Variants in CPED1 observed in about 807,000 individuals in gnomAD.
The protein encoded by CPED1 is cadherin-like and PC-esterase domain-containing protein 1.
CPED1 carries 114 observed loss-of-function variants against 128.2 expected under a neutral mutation model. The observed-to-expected ratio is 0.89, with a 90% CI of 0.76 to 1.04. The LOEUF is 1.04. CPED1 is among the 50% of genes least tolerant of loss of function. The probability of loss-of-function intolerance (pLI) is 0.00; values close to 1 mark genes in which losing one functional copy is unlikely to be tolerated. For synonymous variants in CPED1, 462 were observed against 426.7 expected (o/e 1.08, Z -1.02); for missense variants, 1,211 against 1,207.1 (o/e 1.00, Z -0.05).
chr7:121,153,665 G>C (rs1470512463), intron 16 of CPED1, among the ~76,000 whole-genome samples: 1 of 152,140 alleles, frequency 6.6e-6, no homozygotes, highest in Non-Finnish European at 1.5e-5. Context: ...AGAAGTCCTG[G>C]TTCCAGAGCA....
At chr7:121,047,067 T>C (rs928479270) in intron 4 of CPED1, 74 bp downstream of exon 4, 39 of 900,978 alleles carry the variant, frequency 4.3e-5, no homozygotes, top group African/African-American at 1.7e-4. Context: ...TGGTCTATAA[T>C]GTTTAAGAGT....
intron 5 of CPED1, among the ~76,000 whole-genome samples, chr7:121,077,145 GA>G (rs1794148574): frequency 1.3e-5 from 2 of 152,220 alleles, no homozygotes; most frequent in South Asian, 4.1e-4. Flanking sequence ...CTCTAGAGTA[GA>G]TTAACAGCAA....
At chr7:121,171,520 A>T (rs1220754379) in intron 16 of CPED1, among the ~76,000 whole-genome samples, 1 of 152,214 alleles carries the variant, frequency 6.6e-6, no homozygotes, top group African/African-American at 2.4e-5. Flanking sequence ...TTAAAAATAT[A>T]CAGTGCTGTT....
chr7:121,087,554 T>C (rs1426878384), intron 5 of CPED1, among the ~76,000 whole-genome samples: 1 of 152,186 alleles, frequency 6.6e-6, no homozygotes, highest in East Asian at 1.9e-4. Flanking sequence ...ACTTGAATTA[T>C]CTCTACTACT....
chr7:121,185,152 C>T (rs886863087), intron 16 of CPED1, among the ~76,000 whole-genome samples: 3 of 152,104 alleles, frequency 2.0e-5, no homozygotes, highest in African/African-American at 7.2e-5. Flanking sequence ...GAATCAAATT[C>T]TCCAGGTTAA....
intron 16 of CPED1, among the ~76,000 whole-genome samples, chr7:121,173,246 C>T (rs1027106636): frequency 6.6e-5 from 10 of 151,960 alleles, no homozygotes; most frequent in Non-Finnish European, 1.3e-4. Context: ...ATTAATATCC[C>T]CACTTTATTT....
intron 5 of CPED1, among the ~76,000 whole-genome samples, chr7:121,089,446 C>A (rs1794524171): frequency 6.6e-6 from 1 of 152,018 alleles, no homozygotes; most frequent in Admixed American, 6.6e-5. Flanking sequence ...TTAAATTTGC[C>A]TGTGAAGTTG....
chr7:121,014,921 G>A (rs1423374270), intron 2 of CPED1, among the ~76,000 whole-genome samples: 1 of 152,118 alleles, frequency 6.6e-6, no homozygotes, highest in Non-Finnish European at 1.5e-5. Context: ...CTGAGTGTCT[G>A]CCTTTAAGCC....
At chr7:121,163,604 T>A (rs1796459156) in intron 16 of CPED1, among the ~76,000 whole-genome samples, 1 of 152,202 alleles carries the variant, frequency 6.6e-6, no homozygotes, top group African/African-American at 2.4e-5. Context: ...AATCTTACAG[T>A]GGGGCATCCA....
At position 121,015,678 on chromosome 7, in the gene CPED1, T is replaced by C; in HGVS notation, c.263T>C (p.Met88Thr). 1.3e-6 allele frequency: 2 copies of C among 1,599,018 alleles called. No homozygotes were observed. The highest frequency in any genetic ancestry group is 1.7e-6 in the Non-Finnish European group (2 of 1,175,218). ...TTCTTTTCTTAGGTCAAAGAATCAA[T>C]GGAGACACACTTTGGCAGCCATGGC... ...AQETRKVKES[M>T]ETHFGSHGRR... Residue 88 changes from methionine (M) to threonine (T), a missense_variant, in exon 3 of 23, where the codon ATG (methionine) becomes ACG (threonine). Transcript: ENST00000310396.
chr7:121,279,760 T>C (rs1792410695), intron 22 of CPED1, among the ~76,000 whole-genome samples: 9 of 152,110 alleles, frequency 5.9e-5, no homozygotes, highest in Admixed American at 4.6e-4. Flanking sequence ...TCTTTTAAAA[T>C]GGAACTGCAG....
In CPED1 at chr7:121,250,446, G is replaced by C. The variant is rs1290022985; in HGVS notation, c.2310+6108G>C. Among the ~76,000 whole-genome samples the C allele has an allele frequency of 5.9e-5, 9 of 151,932 alleles. No homozygotes were observed. The East Asian group carries it at 1.7e-3, about 29-fold the overall frequency. On this transcript the variant is annotated intron_variant, in intron 18 of 22. Coordinates refer to ENST00000310396, the MANE Select transcript of CPED1 (RefSeq NM_024913.5). Reference sequence around the variant, plus strand: ...CAAGAGCAAACACATTCAAAAGCTAGCAGAAGGCAAGAAATAACTAAGATC... The same window carrying C: ...CAAGAGCAAACACATTCAAAAGCTACCAGAAGGCAAGAAATAACTAAGATC...
intron 16 of CPED1, among the ~76,000 whole-genome samples, chr7:121,183,515 T>A (rs1269430276): frequency 3.3e-5 from 5 of 152,158 alleles, no homozygotes; most frequent in Admixed American, 3.3e-4. Context: ...CTTCTGTAAA[T>A]TCCTTAAGGT....
chr7:121,149,316 A>G (rs900892393), intron 16 of CPED1, among the ~76,000 whole-genome samples: 1 of 152,180 alleles, frequency 6.6e-6, no homozygotes, highest in Non-Finnish European at 1.5e-5. Context: ...TTTAACATTC[A>G]GTTTTCTTAT....
intron 4 of CPED1, among the ~76,000 whole-genome samples, chr7:121,063,064 TGTA>T (rs1699135212): frequency 6.6e-6 from 1 of 152,160 alleles, no homozygotes; most frequent in Non-Finnish European, 1.5e-5. Context: ...ACTTTTACAA[TGTA>T]GTGTTTAGGA....
chr7:121,195,737 A>G (rs1276726996), intron 16 of CPED1, among the ~76,000 whole-genome samples: 2 of 152,190 alleles, frequency 1.3e-5, no homozygotes, highest in Non-Finnish European at 2.9e-5. Flanking sequence ...ATTTATCTTC[A>G]GTGTAAAAAC....
intron 3 of CPED1, among the ~76,000 whole-genome samples, chr7:121,046,157 CT>C (rs1278640096): frequency 2.0e-5 from 3 of 152,048 alleles, no homozygotes; most frequent in African/African-American, 7.2e-5. Flanking sequence ...AGAATGTACC[CT>C]TCTGAGATTA....
At chr7:121,237,928 G>A (rs1333713498) in intron 17 of CPED1, among the ~76,000 whole-genome samples, 1 of 152,204 alleles carries the variant, frequency 6.6e-6, no homozygotes, top group African/African-American at 2.4e-5. Context: ...GTGTCAGGTG[G>A]TGTGATTTGT....
chr7:121,238,721 T>C (rs188781058), intron 17 of CPED1, among the ~76,000 whole-genome samples: 2 of 150,192 alleles, frequency 1.3e-5, no homozygotes, highest in Non-Finnish European at 3.0e-5. Context: ...TTATGTTTTA[T>C]AATTGATAAA....
Sources: gnomAD v4.1 joint callset for allele counts (sites outside exome capture counted in the v4.1 genomes callset) on GRCh38, gnomAD v4.1.1 for gene constraint, MANE v1.5 for transcripts, NCBI Gene and HGNC (gene_info 2026-07-23, HGNC 2026-07-21) for gene names.